The following PRKN variants were observed in gnomAD, a reference collection of about 807,000 sequenced individuals.
PRKN encodes the protein parkin RBR E3 ubiquitin protein ligase, also known as E3 ubiquitin-protein ligase parkin.
PRKN carries 56 observed loss-of-function variants against 59.5 expected under a neutral mutation model. The ratio of observed to expected loss-of-function variants is 0.94; its 90% CI spans 0.76 to 1.18. The LOEUF is 1.18. Among genes scored for constraint, PRKN ranks in the 50% most tolerant of loss-of-function variants. PRKN has a pLI of 0.00. For missense variants in PRKN, 657 were observed against 596.4 expected, an observed-to-expected ratio of 1.10 and a Z score of -1.06; for synonymous variants, 250 against 222.1, an observed-to-expected ratio of 1.13 and a Z score of -1.12.
In PRKN at chr6:162,443,380, T is replaced by C. The variant is rs148851677; in HGVS notation, c.101A>G (p.Gln34Arg). The C allele has an allele frequency of 1.6e-3, 2,503 of 1,612,808 alleles. 32 individuals are homozygous for C. The South Asian group carries it at 0.017, about 11-fold the overall frequency. Reference sequence around the variant, plus strand: ...ACGCAACTGGTCAGCCGGAACCCCCTGTCGCTTAGCAACCACCTCCTTGAG... The same window carrying C: ...ACGCAACTGGTCAGCCGGAACCCCCCGTCGCTTAGCAACCACCTCCTTGAG... ...FQLKEVVAKR[Q>R]GVPADQLRVI... The change falls in exon 2 of 12, where the codon CAG becomes CGG. Residue 34 changes from glutamine to arginine, a missense_variant. Physicochemically the swap from Gln to Arg is conservative, Grantham distance 43. Coordinates refer to ENST00000366898, the MANE Select transcript of PRKN (RefSeq NM_004562.3).
chr6:162,679,113 A>T (rs113363066), intron 1 of PRKN, among the ~76,000 whole-genome samples: 506 of 45,660 alleles, frequency 0.011, 4 homozygotes, highest in African/African-American at 0.032. Flanking sequence ...TTTATTTATG[A>T]ATGAATGAGA....
At chr6:162,184,976 G>T (rs1247768957) in intron 4 of PRKN, among the ~76,000 whole-genome samples, 2 of 152,026 alleles carry the variant, frequency 1.3e-5, no homozygotes, top group Non-Finnish European at 2.9e-5. Context: ...GGGTGGGGGG[G>T]TGCTCCTGAC....
At chr6:161,521,475 T>C (rs1054345663) in intron 9 of PRKN, among the ~76,000 whole-genome samples, 4 of 152,212 alleles carry the variant, frequency 2.6e-5, no homozygotes, top group African/African-American at 7.2e-5. Context: ...CTGGGGAAGC[T>C]TGCTTTCTTC....
Position 161,385,994 on chromosome 6 carries a change from T to C in PRKN, c.1167+800A>G, listed in dbSNP as rs959199221. ...AGGGATACACTTATTCATGCTCTGA[T>C]TTTAGAGCATTCAGATCTTTAACAT... On this transcript the variant is annotated intron_variant, in intron 10 of 11. Coordinates refer to ENST00000366898, the MANE Select transcript of PRKN (RefSeq NM_004562.3). The surrounding 1 kb of genome is among the most constrained non-coding windows in gnomAD (Gnocchi z 4.9). Among the ~76,000 whole-genome samples, 2 of 152,234 alleles carry C rather than the reference T, an allele frequency of 1.3e-5. No individual in the cohort carries two copies. The highest frequency in any genetic ancestry group is 1.3e-4 in the Admixed American group (2 of 15,284).
intron 1 of PRKN, among the ~76,000 whole-genome samples, chr6:162,650,383 G>A (rs566458578): frequency 1.0e-3 from 157 of 151,958 alleles, no homozygotes; most frequent in African/African-American, 3.7e-3. Flanking sequence ...GGATCACGAG[G>A]TCAGGAGATC....
At chr6:162,401,130 T>A (rs1285021521) in intron 2 of PRKN, among the ~76,000 whole-genome samples, 2 of 152,038 alleles carry the variant, frequency 1.3e-5, no homozygotes, top group Non-Finnish European at 2.9e-5. Context: ...TATGTTTTCA[T>A]GCCAAAATGT....
At chr6:161,620,373 C>T (rs1782853303) in intron 7 of PRKN, among the ~76,000 whole-genome samples, 2 of 152,184 alleles carry the variant, frequency 1.3e-5, no homozygotes, top group South Asian at 4.2e-4. Flanking sequence ...GCCCATTGTC[C>T]CAAGACACCT....
Position 161,361,738 on chromosome 6 carries a change from T to C in PRKN, c.1168-1533A>G, listed in dbSNP as rs1312727807. On this transcript the variant is annotated intron_variant, in intron 10 of 11. Transcript: ENST00000366898. This position sits in a 1 kb window ranked among gnomAD's most constrained non-coding sequence, Gnocchi z 5.2. Reference sequence around the variant, plus strand: ...AGAACTGCCAGGGTGTCACGTGATTTGTGAATACTTTGCTAGAATAACGTG... The same window carrying C: ...AGAACTGCCAGGGTGTCACGTGATTCGTGAATACTTTGCTAGAATAACGTG... Among the ~76,000 whole-genome samples the C allele has an allele frequency of 6.6e-6, 1 of 152,184 alleles. No individual in the cohort carries two copies. Among genetic ancestry groups the C allele is most frequent in the African/African-American group, 2.4e-5 (1 of 41,444 alleles).
At chr6:161,955,074 A>G (rs1780121966) in intron 6 of PRKN, among the ~76,000 whole-genome samples, 1 of 152,138 alleles carries the variant, frequency 6.6e-6, no homozygotes, top group Non-Finnish European at 1.5e-5. Flanking sequence ...GTCTCGGAGG[A>G]AGTCATCGTC....
intron 2 of PRKN, among the ~76,000 whole-genome samples, chr6:162,364,014 G>T (rs570505348): frequency 6.6e-6 from 1 of 152,254 alleles, no homozygotes; most frequent in African/African-American, 2.4e-5. Context: ...TTCATTCCCT[G>T]CACACAAGCT....
chr6:162,649,080 C>A (rs2803100), intron 1 of PRKN, among the ~76,000 whole-genome samples: 38,654 of 152,012 alleles, frequency 0.25, 5,984 homozygotes, highest in Non-Finnish European at 0.36. Context: ...CCGCCACAAC[C>A]ATGAGCCAAT....
intron 6 of PRKN, among the ~76,000 whole-genome samples, chr6:161,801,606 C>T (rs10945779): frequency 0.018 from 2,792 of 152,298 alleles, 37 homozygotes; most frequent in Non-Finnish European, 0.028. Flanking sequence ...CTAGAGTCCA[C>T]GACTTTCAGC....
chr6:162,070,467 T>A (rs1778527774), intron 4 of PRKN, among the ~76,000 whole-genome samples: 1 of 152,134 alleles, frequency 6.6e-6, no homozygotes. Context: ...ACTGAATGGT[T>A]TCTTTTCAAC....
intron 7 of PRKN, among the ~76,000 whole-genome samples, chr6:161,757,604 G>A (rs1239590141): frequency 8.5e-5 from 13 of 152,154 alleles, no homozygotes; most frequent in African/African-American, 3.1e-4. Context: ...TTGGGAGGCT[G>A]AGGTGGGTGG....
chr6:162,210,794 A>T (rs1562583348), intron 3 of PRKN, among the ~76,000 whole-genome samples: 1 of 152,198 alleles, frequency 6.6e-6, no homozygotes, highest in Non-Finnish European at 1.5e-5. Context: ...GATCTAGTCC[A>T]GTTGATAAAA....
intron 3 of PRKN, among the ~76,000 whole-genome samples, chr6:162,217,039 TACAG>T (rs1233542331): frequency 2.0e-5 from 3 of 152,180 alleles, no homozygotes; most frequent in East Asian, 1.9e-4. Context: ...ATTTTCGGTG[TACAG>T]ACAAATATAG....
chr6:161,709,809 G>C (rs1786664385), intron 7 of PRKN, among the ~76,000 whole-genome samples: 1 of 152,006 alleles, frequency 6.6e-6, no homozygotes, highest in Non-Finnish European at 1.5e-5. Flanking sequence ...AAACATCTAA[G>C]ACAAAGTTTA....
intron 3 of PRKN, among the ~76,000 whole-genome samples, chr6:162,251,947 TCTA>T (rs1333548430): frequency 2.0e-5 from 3 of 152,228 alleles, no homozygotes. Context: ...TTCTAGATAA[TCTA>T]CTGTGTATAT....
intron 9 of PRKN, among the ~76,000 whole-genome samples, chr6:161,509,584 A>T (rs1287457227): frequency 1.3e-5 from 2 of 151,240 alleles, no homozygotes; most frequent in African/African-American, 2.4e-5. Context: ...TTTGGGGGGA[A>T]AAAAAGAAAA....
Sources: gnomAD v4.1 joint callset for allele counts (sites outside exome capture counted in the v4.1 genomes callset) on GRCh38, gnomAD v4.1.1 for gene constraint, Gnocchi (gnomAD v3.1) non-coding constraint, MANE v1.5 for transcripts, NCBI Gene and HGNC (gene_info 2026-07-23, HGNC 2026-07-21) for gene names.